Variants in ZNF207 observed in about 807,000 individuals in gnomAD.
The protein encoded by ZNF207 is zinc finger protein 207.
A neutral mutation model predicts 60.2 loss-of-function variants in ZNF207; 24 were observed. The observed-to-expected ratio is 0.40, with a 90% CI of 0.29 to 0.56. The LOEUF (loss-of-function observed/expected upper bound fraction) is 0.56. Ranked by LOEUF, ZNF207 falls within the 20% of genes least tolerant of loss-of-function variation. The pLI, the probability that ZNF207 is intolerant of heterozygous loss-of-function variation, is 0.49. For missense variants in ZNF207, 452 were observed against 636.6 expected (o/e 0.71, Z 3.12); for synonymous variants, 236 against 194.7 (o/e 1.21, Z -1.77).
rs1024111466 is a variant in ZNF207, at chr17:32,378,965, G to C, written c.*9206G>C. The C allele has an allele frequency of 7.9e-5, 12 of 152,056 alleles. No homozygotes were observed. The highest frequency in any genetic ancestry group is 7.9e-4 in the Admixed American group (12 of 15,254). The allele number at this position is 152,056 out of a possible 1,614,324, so 9.4% of individuals were successfully genotyped here. On this transcript the variant is annotated 3_prime_UTR_variant, in exon 12 of 12. Transcript: ENST00000394670. ...ACTAGTAATCTTGAATTCCTCTTGAGCTGGATGGTGATTAGCCATTGTGAA... is the reference window on the plus strand; with the variant it reads ...ACTAGTAATCTTGAATTCCTCTTGACCTGGATGGTGATTAGCCATTGTGAA...
chr17:32,363,770 A>G (rs1232434750), intron 7 of ZNF207, among the ~76,000 whole-genome samples: 4 of 151,946 alleles, frequency 2.6e-5, no homozygotes, highest in Non-Finnish European at 4.4e-5. Flanking sequence ...ACCTCAGGTT[A>G]TCCGCCTGCC....
rs1002297424 is a variant in ZNF207 at position 32,372,342 on chromosome 17, AG to A, written c.*2587del. 3.3e-5 allele frequency: 5 copies of A among 152,198 alleles called. No homozygotes were observed. The highest frequency in any genetic ancestry group is 1.2e-4 in the African/African-American group (5 of 41,452). 9.4% of individuals were successfully genotyped at this position (152,198 alleles called of 1,614,324 possible). On this transcript the variant is annotated 3_prime_UTR_variant, in exon 12 of 12. Coordinates refer to ENST00000394670, the MANE Select transcript of ZNF207 (RefSeq NM_001098507.2). ...TGATTAAATTTAGAATAATTAAGTA[AG>A]GGGTGCTCTCCCAAATTCTCAGGAA...
Position 32,367,984 on chromosome 17 carries a change from G to A in ZNF207, c.1134G>A (p.Lys378=), listed in dbSNP as rs778111210. The A allele has an allele frequency of 6.2e-7, 1 of 1,614,166 alleles. No individual in the cohort carries two copies. Among genetic ancestry groups the A allele is most frequent in the South Asian group, 1.1e-5 (1 of 91,078 alleles). Residue 378 remains lysine (K), a synonymous_variant, in exon 10 of 12, where the codon AAG becomes AAA. Coordinates refer to ENST00000394670, the MANE Select transcript of ZNF207 (RefSeq NM_001098507.2). ...ATLTTTSATS[K]LIHPDEDISL... ...TTACAACAACTAGTGCAACCAGTAA[G>A]TTGATCCATCCAGATGAGGATATAT...
In ZNF207 at chr17:32,376,618, C is replaced by T. The variant is rs928798141; in HGVS notation, c.*6859C>T. On this transcript the variant is annotated 3_prime_UTR_variant, in exon 12 of 12. Coordinates refer to ENST00000394670, the MANE Select transcript of ZNF207 (RefSeq NM_001098507.2). The stretch of plus-strand genomic sequence containing the variant: ...TTGTAGCCCAAACAAGGTAGGTCTT[C>T]GCTGAAACTAATTTGAACTATTCCT... 5.9e-5 allele frequency: 9 copies of T among 152,056 alleles called. No homozygotes were observed. Among genetic ancestry groups the T allele is most frequent in the Middle Eastern group, 3.4e-3 (1 of 294 alleles). The allele number at this position is 152,056 out of a possible 1,614,324, so 9.4% of individuals were successfully genotyped here.
chr17:32,357,209 C>G (rs1025975093), intron 2 of ZNF207, among the ~76,000 whole-genome samples: 1 of 150,760 alleles, frequency 6.6e-6, no homozygotes, highest in African/African-American at 2.4e-5. Flanking sequence ...AAATGCCTCA[C>G]GTAACTCATT....
chr17:32,374,309 C>T lies in ZNF207; in HGVS notation c.*4550C>T, dbSNP rs1245851171. The stretch of plus-strand genomic sequence containing the variant: ...CTCAGCTCACTACAACCTCCACCTC[C>T]TGGATTCAAGCGATTCTCCTGTCTC... On this transcript the variant is annotated 3_prime_UTR_variant, in exon 12 of 12. Transcript: ENST00000394670. 6.7e-6 allele frequency: 1 copy of T among 150,292 alleles called. No individual in the cohort carries two copies. Among genetic ancestry groups the T allele is most frequent in the Non-Finnish European group, 1.5e-5 (1 of 67,854 alleles). 9.3% of individuals were successfully genotyped at this position (150,292 alleles called of 1,614,324 possible). A position where few individuals can be genotyped will look rare whatever the true frequency, so the allele number is the denominator to read the frequency against.
At chr17:32,355,620 T>G (rs1904461708) in intron 2 of ZNF207, among the ~76,000 whole-genome samples, 1 of 152,220 alleles carries the variant, frequency 6.6e-6, no homozygotes, top group Non-Finnish European at 1.5e-5. Flanking sequence ...GTGGCTAGTT[T>G]AAGCCGCGCT....
At chr17:32,357,351 A>ATTATTTTTTTT (rs1363194053) in intron 2 of ZNF207, among the ~76,000 whole-genome samples, 7 of 74,026 alleles carry the variant, frequency 9.5e-5, no homozygotes, top group African/African-American at 3.4e-4. Flanking sequence ...TATTATTATT[A>ATTATTTTTTTT]TTTTTTTTTT....
chr17:32,361,906 A>C (rs1277466173), intron 6 of ZNF207, among the ~76,000 whole-genome samples: 4 of 152,208 alleles, frequency 2.6e-5, no homozygotes, highest in African/African-American at 7.2e-5. Flanking sequence ...AACTGAATTT[A>C]CCCACAAAAA....
intron 2 of ZNF207, among the ~76,000 whole-genome samples, chr17:32,357,351 A>ATTATTATTTTTTT (rs1363194053): frequency 1.4e-5 from 1 of 74,028 alleles, no homozygotes; most frequent in African/African-American, 5.6e-5. Flanking sequence ...TATTATTATT[A>ATTATTATTTTTTT]TTTTTTTTTT....
At chr17:32,350,374 T>C (rs2041478546) in intron 1 of ZNF207, 48 bp downstream of exon 1, 2 of 1,613,004 alleles carry the variant, frequency 1.2e-6, no homozygotes, top group Non-Finnish European at 1.7e-6. Flanking sequence ...GTGCCGGTTG[T>C]TGGGGCCTGG....
At chr17:32,354,169 A>G (rs1409663458) in intron 2 of ZNF207, among the ~76,000 whole-genome samples, 1 of 152,150 alleles carries the variant, frequency 6.6e-6, no homozygotes, top group Non-Finnish European at 1.5e-5. Flanking sequence ...TTGTAGAGAC[A>G]GGGTCTCACT....
rs192109484 is a variant in ZNF207, at chr17:32,357,515, A to T, written c.169-988A>T. On this transcript the variant is annotated intron_variant, in intron 2 of 11. Coordinates refer to ENST00000394670, the MANE Select transcript of ZNF207 (RefSeq NM_001098507.2). ...AGGCACGTGCCACCATGCCCGGCTA[A>T]TTTTTGTATTTTTAGTAGAGATGGG... Among the ~76,000 whole-genome samples, 1,324 of 150,814 alleles carry T rather than the reference A, an allele frequency of 8.8e-3. 25 individuals carry two copies. The highest frequency in any genetic ancestry group is 0.031 in the African/African-American group (1,272 of 41,030).
rs774132778 is a variant in ZNF207 at position 32,367,903 on chromosome 17, A to C, written c.1053A>C (p.Thr351=). The change falls in exon 10 of 12, where the codon ACA becomes ACC. Residue 351 remains threonine (T), a synonymous_variant. Transcript: ENST00000394670. ...AGTCTACAGCTTCAACAACTAGTACAACAAATAGTACTGCAGCTAAACCAG... is the reference window on the plus strand; with the variant it reads ...AGTCTACAGCTTCAACAACTAGTACCACAAATAGTACTGCAGCTAAACCAG... ...YTQSTASTTS[T]TNSTAAKPAA... The C allele has an allele frequency of 6.2e-7, 1 of 1,614,152 alleles. No individual in the cohort carries two copies. The highest frequency in any genetic ancestry group is 8.5e-7 in the Non-Finnish European group (1 of 1,180,026).
rs1157425164 is a variant in ZNF207 at position 32,376,124 on chromosome 17, T to G, written c.*6365T>G. 3 of 152,066 alleles carry G rather than the reference T, an allele frequency of 2.0e-5. No individual in the cohort carries two copies. Among genetic ancestry groups the G allele is most frequent in the African/African-American group, 7.2e-5 (3 of 41,444 alleles). The allele number at this position is 152,066 out of a possible 1,614,324, so 9.4% of individuals were successfully genotyped here. The stretch of plus-strand genomic sequence containing the variant: ...TTAATTTTGTGATTAGTGCTGAGTT[T>G]TCTAAACTACTATCTTAAGCTCTTA... On this transcript the variant is annotated 3_prime_UTR_variant, in exon 12 of 12. Coordinates refer to ENST00000394670, the MANE Select transcript of ZNF207 (RefSeq NM_001098507.2).
chr17:32,368,489 C>CA (rs1307259406), intron 10 of ZNF207: 1 of 165,074 alleles, frequency 6.1e-6, no homozygotes, highest in African/African-American at 2.4e-5. Context: ...ATCACTTGAT[C>CA]AGGAGTTCAA....
intron 9 of ZNF207, 57 bp from the exon 10 acceptor site, chr17:32,367,715 T>A: frequency 6.3e-7 from 1 of 1,598,180 alleles, no homozygotes; most frequent in South Asian, 1.1e-5. Context: ...TAAACTGTTG[T>A]AGATATAGTT....
chr17:32,369,836 G>C lies in ZNF207; in HGVS notation c.*77G>C. ...GTGCTGTTTATATAGCCAAGCTTCCGTCAATAAGGCTTCATTGTGACTTTA... is the reference window on the plus strand; with the variant it reads ...GTGCTGTTTATATAGCCAAGCTTCCCTCAATAAGGCTTCATTGTGACTTTA... On this transcript the variant is annotated 3_prime_UTR_variant, in exon 12 of 12. Transcript: ENST00000394670. The C allele has an allele frequency of 7.5e-7, 1 of 1,333,726 alleles. No individual in the cohort carries two copies. Among genetic ancestry groups the C allele is most frequent in the Non-Finnish European group, 9.7e-7 (1 of 1,027,174 alleles). The allele number at this position is 1,333,726 out of a possible 1,614,324, so 82.6% of individuals were successfully genotyped here. A position where few individuals can be genotyped will look rare whatever the true frequency, so the allele number is the denominator to read the frequency against.
At chr17:32,361,829 T>A (rs1463577478) in intron 6 of ZNF207, among the ~76,000 whole-genome samples, 1 of 152,184 alleles carries the variant, frequency 6.6e-6, no homozygotes, top group South Asian at 2.1e-4. Flanking sequence ...TTTATTATTA[T>A]AGGATGTAAT....
Sources: gnomAD v4.1 joint callset for allele counts (sites outside exome capture counted in the v4.1 genomes callset) on GRCh38, gnomAD v4.1.1 for gene constraint, MANE v1.5 for transcripts, NCBI Gene and HGNC (gene_info 2026-07-23, HGNC 2026-07-21) for gene names.